EPHA5: variants seen among roughly 807,000 people sequenced by gnomAD.
EPHA5 encodes EPH receptor A5, also known as ephrin type-A receptor 5.
In EPHA5, 60 loss-of-function variants were observed where a neutral mutation model predicts 105.0. The ratio of observed to expected loss-of-function variants is 0.57; its 90% CI spans 0.46 to 0.71. EPHA5 has a LOEUF of 0.71. Ranked by LOEUF, EPHA5 falls within the 30% of genes least tolerant of loss-of-function variation. The probability of loss-of-function intolerance (pLI) is 0.00; values close to 1 mark genes in which losing one functional copy is unlikely to be tolerated. For synonymous variants in EPHA5, 513 were observed against 449.1 expected, an observed-to-expected ratio of 1.14 and a Z score of -1.80; for missense variants, 1,218 against 1,274.7, an observed-to-expected ratio of 0.96 and a Z score of 0.68.
intron 14 of EPHA5, among the ~76,000 whole-genome samples, chr4:65,346,859 C>G (rs1722274144): frequency 6.6e-6 from 1 of 152,028 alleles, no homozygotes; most frequent in East Asian, 1.9e-4. Context: ...ACATTTATGA[C>G]CTTCTTTTCT....
At chr4:65,608,241 C>A (rs1015041321) in intron 2 of EPHA5, among the ~76,000 whole-genome samples, 2 of 152,056 alleles carry the variant, frequency 1.3e-5, no homozygotes, top group African/African-American at 4.8e-5. Context: ...AAGTGCCTGG[C>A]GCCTGTAATC....
At chr4:65,585,096 A>G (rs1251710666) in intron 3 of EPHA5, among the ~76,000 whole-genome samples, 1 of 146,352 alleles carries the variant, frequency 6.8e-6, no homozygotes, top group African/African-American at 2.6e-5. Context: ...GCATGCATGC[A>G]TGTATATGTG....
At chr4:65,574,425 T>G (rs1453178660) in intron 3 of EPHA5, 8 of 468,048 alleles carry the variant, frequency 1.7e-5, no homozygotes, top group African/African-American at 4.1e-5. Context: ...CTCAAATACA[T>G]GTATTCATAC....
chr4:65,348,351 C>G, intron 13 of EPHA5, 148 bp from the exon 14 acceptor site: 1 of 702,706 alleles, frequency 1.4e-6, no homozygotes, highest in Non-Finnish European at 2.3e-6. Context: ...AATCTCTCAG[C>G]CCATAAGCAG....
At chr4:65,464,187 G>A (rs73822162) in intron 5 of EPHA5, among the ~76,000 whole-genome samples, 8,448 of 151,782 alleles carry the variant, frequency 0.056, 789 homozygotes, top group African/African-American at 0.19. Context: ...GGAAGTGTAG[G>A]AGTTCACAAA....
chr4:65,524,662 G>T (rs181480338), intron 3 of EPHA5, among the ~76,000 whole-genome samples: 2 of 151,864 alleles, frequency 1.3e-5, no homozygotes, highest in Admixed American at 1.3e-4. Flanking sequence ...TTAAATATTT[G>T]CAAGTGCATA....
At chr4:65,516,915 T>C (rs1734162500) in intron 3 of EPHA5, among the ~76,000 whole-genome samples, 1 of 142,452 alleles carries the variant, frequency 7.0e-6, no homozygotes, top group African/African-American at 2.6e-5. Context: ...GCATGTGGTT[T>C]ATTTTGATCT....
At chr4:65,431,531 G>A (rs1724974804) in intron 5 of EPHA5, among the ~76,000 whole-genome samples, 1 of 151,702 alleles carries the variant, frequency 6.6e-6, no homozygotes. Context: ...CCATCTCATG[G>A]ACTTTTAACA....
intron 5 of EPHA5, among the ~76,000 whole-genome samples, chr4:65,466,484 G>A (rs1460332377): frequency 1.3e-5 from 2 of 152,172 alleles, no homozygotes; most frequent in African/African-American, 2.4e-5. Flanking sequence ...GAGGAGGGAA[G>A]TATCGTCATT....
chr4:65,476,862 G>A (rs971056285), intron 5 of EPHA5, among the ~76,000 whole-genome samples: 7 of 152,194 alleles, frequency 4.6e-5, no homozygotes, highest in African/African-American at 1.4e-4. Context: ...TACAATTAGT[G>A]TACTATGTCT....
intron 3 of EPHA5, among the ~76,000 whole-genome samples, chr4:65,533,313 T>G (rs1735997588): frequency 6.6e-6 from 1 of 152,132 alleles, no homozygotes; most frequent in African/African-American, 2.4e-5. Flanking sequence ...CTACATAGAA[T>G]GCTGAAATTT....
At chr4:65,328,550 C>T (rs1297372262) in intron 16 of EPHA5, among the ~76,000 whole-genome samples, 4 of 151,172 alleles carry the variant, frequency 2.6e-5, no homozygotes, top group African/African-American at 9.7e-5. Context: ...CCAACATTGG[C>T]TGGATAGGAG....
intron 5 of EPHA5, among the ~76,000 whole-genome samples, chr4:65,437,526 A>G (rs183653026): frequency 7.2e-5 from 11 of 152,090 alleles, no homozygotes; most frequent in Admixed American, 2.0e-4. Context: ...TCTTCTTAGA[A>G]TGATCAAGAA....
chr4:65,417,240 A>C (rs970568266), intron 6 of EPHA5, among the ~76,000 whole-genome samples: 2 of 152,244 alleles, frequency 1.3e-5, no homozygotes, highest in African/African-American at 4.8e-5. Flanking sequence ...TGGCAAATGC[A>C]TGTGCCCTGG....
chr4:65,558,082 G>C (rs184586993), intron 3 of EPHA5, among the ~76,000 whole-genome samples: 45 of 152,042 alleles, frequency 3.0e-4, no homozygotes, highest in Non-Finnish European at 3.5e-4. Context: ...TCACCATGTT[G>C]GCCAGGCTGG....
intron 2 of EPHA5, among the ~76,000 whole-genome samples, chr4:65,609,222 A>G (rs751628105): frequency 6.6e-6 from 1 of 152,230 alleles, no homozygotes; most frequent in Non-Finnish European, 1.5e-5. Context: ...AATAAATATG[A>G]CAAAATATAT....
intron 1 of EPHA5, among the ~76,000 whole-genome samples, chr4:65,647,900 G>A (rs562876089): frequency 6.6e-6 from 1 of 152,042 alleles, no homozygotes; most frequent in Non-Finnish European, 1.5e-5. Flanking sequence ...TAACGTATAG[G>A]GAAAAATACT....
At chr4:65,329,558 A>C in intron 16 of EPHA5, among the ~76,000 whole-genome samples, 1 of 151,460 alleles carries the variant, frequency 6.6e-6, no homozygotes, top group East Asian at 1.9e-4. Flanking sequence ...ATATTAATTG[A>C]TTTTCACATT....
chr4:65,476,119 A>AGTGTGTGTGTGTGTGT (rs772117051), intron 5 of EPHA5, among the ~76,000 whole-genome samples: 3 of 126,772 alleles, frequency 2.4e-5, no homozygotes, highest in African/African-American at 9.1e-5. Flanking sequence ...AGAGAGAGAG[A>AGTGTGTGTGTGTGTGT]GAGAGAGAGT....
Sources: gnomAD v4.1 joint callset for allele counts (sites outside exome capture counted in the v4.1 genomes callset) on GRCh38, gnomAD v4.1.1 for gene constraint, MANE v1.5 for transcripts, NCBI Gene and HGNC (gene_info 2026-07-23, HGNC 2026-07-21) for gene names.